The following PLA2G4A variants were observed in gnomAD, a reference collection of about 807,000 sequenced individuals.
PLA2G4A encodes the protein phospholipase A2 group IVA, also known as cytosolic phospholipase A2.
A neutral mutation model predicts 81.9 loss-of-function variants in PLA2G4A; 40 were observed. The observed-to-expected ratio is 0.49, with a 90% confidence interval of 0.38 to 0.64. The LOEUF is 0.64. Among genes scored for constraint, PLA2G4A ranks in the 30% least tolerant of loss-of-function variants. PLA2G4A has a pLI of 0.00. For missense variants in PLA2G4A, 715 were observed against 905.1 expected (o/e 0.79, Z 2.69); for synonymous variants, 302 against 296.9 (o/e 1.02, Z -0.18).
At chr1:186,949,872 A>G (rs1463409833) in intron 12 of PLA2G4A, among the ~76,000 whole-genome samples, 2 of 141,642 alleles carry the variant, frequency 1.4e-5, no homozygotes, top group African/African-American at 5.1e-5. Context: ...AAAAAAAAAA[A>G]AAAAATTAAA....
At chr1:186,978,380 C>G (rs1201934445) in intron 16 of PLA2G4A, among the ~76,000 whole-genome samples, 2 of 151,710 alleles carry the variant, frequency 1.3e-5, no homozygotes, top group East Asian at 3.9e-4. Context: ...GCTTAAGGCT[C>G]CAAAAACCAT....
chr1:186,958,213 C>T (rs920709795), intron 14 of PLA2G4A, among the ~76,000 whole-genome samples: 3 of 152,046 alleles, frequency 2.0e-5, no homozygotes, highest in South Asian at 2.1e-4. Context: ...GATTATATAC[C>T]GGTAATCCCA....
At position 186,950,643 on chromosome 1, in the gene PLA2G4A, T is replaced by C. The variant is rs548546824; in HGVS notation, c.1265-14T>C. 2.2e-5 allele frequency: 33 copies of C among 1,509,368 alleles called. No individual in the cohort carries two copies. Among genetic ancestry groups the C allele is most frequent in the Admixed American group, 1.5e-4 (9 of 59,746 alleles). 93.5% of individuals were successfully genotyped at this position (1,509,368 alleles called of 1,614,324 possible). A position where few individuals can be genotyped will look rare whatever the true frequency, so the allele number is the denominator to read the frequency against. Reference sequence around the variant, plus strand: ...CACCTGAAATGCTTCAATTTTTTTGTTTTCTTTTCACAGAAAATATTACCA... The same window carrying C: ...CACCTGAAATGCTTCAATTTTTTTGCTTTCTTTTCACAGAAAATATTACCA... On this transcript the variant is annotated splice_polypyrimidine_tract_variant and intron_variant, in intron 12 of 17. Transcript: ENST00000367466.
intron 2 of PLA2G4A, among the ~76,000 whole-genome samples, chr1:186,865,377 A>G (rs1460851034): frequency 1.3e-5 from 2 of 152,110 alleles, no homozygotes; most frequent in African/African-American, 4.8e-5. Context: ...TAAAAAGTGT[A>G]GGTGAATAAT....
At chr1:186,937,737 AAAAT>A (rs1557882777) in intron 8 of PLA2G4A, among the ~76,000 whole-genome samples, 1 of 78,166 alleles carries the variant, frequency 1.3e-5, no homozygotes, top group South Asian at 3.7e-4. Flanking sequence ...GACTAAAAAA[AAAAT>A]AGCCTACTGG....
At chr1:186,962,487 TTTA>T in intron 14 of PLA2G4A, among the ~76,000 whole-genome samples, 1 of 36,136 alleles carries the variant, frequency 2.8e-5, no homozygotes, top group Admixed American at 2.9e-4. Context: ...GTTATTTTAT[TTTA>T]TTTATTTATT....
intron 3 of PLA2G4A, among the ~76,000 whole-genome samples, chr1:186,885,497 C>A (rs924397243): frequency 6.6e-6 from 1 of 152,118 alleles, no homozygotes; most frequent in African/African-American, 2.4e-5. Flanking sequence ...GGAGGTAGAT[C>A]TAGCTCTTCC....
intron 15 of PLA2G4A, among the ~76,000 whole-genome samples, chr1:186,971,233 A>G (rs917209714): frequency 6.6e-6 from 1 of 151,832 alleles, no homozygotes; most frequent in African/African-American, 2.4e-5. Context: ...TTTGTGTTCC[A>G]TTAATCCATC....
intron 1 of PLA2G4A, among the ~76,000 whole-genome samples, chr1:186,848,325 T>C (rs77994261): frequency 6.6e-6 from 1 of 152,126 alleles, no homozygotes; most frequent in East Asian, 1.9e-4. Flanking sequence ...TCTCGCTCTC[T>C]CTGCATCCTT....
At chr1:186,932,651 T>TA in intron 7 of PLA2G4A, 112 bp from the exon 8 acceptor site, 1 of 1,105,900 alleles carries the variant, frequency 9.0e-7, no homozygotes, top group South Asian at 1.2e-5. Context: ...GAAGTTAACT[T>TA]ACACTTCTTT....
At chr1:186,904,653 T>TC (rs1177455922) in intron 5 of PLA2G4A, among the ~76,000 whole-genome samples, 9 of 152,130 alleles carry the variant, frequency 5.9e-5, no homozygotes, top group Non-Finnish European at 8.8e-5. Flanking sequence ...GGCAGAAAAA[T>TC]CCTGTGCCTT....
intron 1 of PLA2G4A, among the ~76,000 whole-genome samples, chr1:186,848,243 A>T (rs1007581866): frequency 6.6e-6 from 1 of 152,182 alleles, no homozygotes; most frequent in Non-Finnish European, 1.5e-5. Flanking sequence ...CAGCTTTAAC[A>T]TGTACCAAGC....
At chr1:186,882,224 A>C (rs570632560) in intron 3 of PLA2G4A, among the ~76,000 whole-genome samples, 3 of 152,152 alleles carry the variant, frequency 2.0e-5, no homozygotes, top group Non-Finnish European at 4.4e-5. Context: ...AACTTGATTT[A>C]AAGTTGCCAG....
intron 14 of PLA2G4A, among the ~76,000 whole-genome samples, chr1:186,961,989 C>T (rs577195757): frequency 3.9e-5 from 6 of 152,238 alleles, no homozygotes; most frequent in Admixed American, 3.9e-4. Context: ...ACTCTCATGC[C>T]TTTCCTCCTG....
chr1:186,939,256 C>T (rs763752861), intron 9 of PLA2G4A, 26 bp downstream of exon 9: 2 of 978,486 alleles, frequency 2.0e-6, no homozygotes, highest in East Asian at 2.4e-5. Context: ...ATCTACACTG[C>T]TTTTATAACA....
chr1:186,889,387 C>T (rs563110061), intron 3 of PLA2G4A, among the ~76,000 whole-genome samples: 10 of 152,264 alleles, frequency 6.6e-5, no homozygotes, highest in East Asian at 1.9e-4. Context: ...GGATGAAGGT[C>T]GGGGTCTATG....
At chr1:186,857,011 G>A (rs1019288744) in intron 2 of PLA2G4A, among the ~76,000 whole-genome samples, 1 of 115,434 alleles carries the variant, frequency 8.7e-6, no homozygotes, top group African/African-American at 3.5e-5. Flanking sequence ...TACTTGATCT[G>A]ACCAGGCCTT....
intron 3 of PLA2G4A, among the ~76,000 whole-genome samples, chr1:186,886,837 C>G (rs1170451816): frequency 6.6e-6 from 1 of 152,080 alleles, no homozygotes; most frequent in African/African-American, 2.4e-5. Flanking sequence ...AACTTTGTTG[C>G]CTTCTCAATG....
intron 7 of PLA2G4A, among the ~76,000 whole-genome samples, chr1:186,912,561 T>A (rs762039070): frequency 6.6e-6 from 1 of 151,964 alleles, no homozygotes; most frequent in Admixed American, 6.6e-5. Flanking sequence ...AATCATACAG[T>A]ATGTAGCCTT....
Sources: gnomAD v4.1 joint callset for allele counts (sites outside exome capture counted in the v4.1 genomes callset) on GRCh38, gnomAD v4.1.1 for gene constraint, MANE v1.5 for transcripts, NCBI Gene and HGNC (gene_info 2026-07-23, HGNC 2026-07-21) for gene names.